The following BCAS4 variants were observed in gnomAD, a reference collection of about 807,000 sequenced individuals.
BCAS4 encodes the protein breast carcinoma-amplified sequence 4.
Under a neutral mutation model 15.7 loss-of-function variants are expected in BCAS4, and 9 were observed. The observed-to-expected ratio is 0.57, with a 90% CI of 0.34 to 1.00. The LOEUF (loss-of-function observed/expected upper bound fraction) is 1.00, where lower values mean the gene tolerates loss of function less well. BCAS4 is among the 50% of genes least tolerant of loss of function. The pLI is 0.02. For synonymous variants in BCAS4, 101 were observed against 99.5 expected, an observed-to-expected ratio of 1.02 and a Z score of -0.09; for missense variants, 225 against 239.1, an observed-to-expected ratio of 0.94 and a Z score of 0.39.
intron 2 of BCAS4, among the ~76,000 whole-genome samples, chr20:50,827,586 T>C (rs2088292180): frequency 6.6e-6 from 1 of 152,240 alleles, no homozygotes; most frequent in Non-Finnish European, 1.5e-5. Flanking sequence ...ATTTCACTCT[T>C]GCAGGTTGGC....
At chr20:50,821,373 C>A (rs1242372446) in intron 2 of BCAS4, among the ~76,000 whole-genome samples, 2 of 152,224 alleles carry the variant, frequency 1.3e-5, no homozygotes, top group Non-Finnish European at 2.9e-5. Context: ...GAGCTTACAG[C>A]CCCTGCATGG....
rs149327049 is a variant in BCAS4, at chr20:50,823,271, C to T, written c.162+4989C>T. Among the ~76,000 whole-genome samples, 1,214 of 151,950 alleles carry T rather than the reference C, an allele frequency of 8.0e-3. 14 individuals are homozygous for T. Among genetic ancestry groups the T allele is most frequent in the African/African-American group, 0.028 (1,171 of 41,450 alleles). On this transcript the variant is annotated intron_variant, in intron 2 of 4. Coordinates refer to ENST00000371608, the MANE Select transcript of BCAS4 (RefSeq NM_198799.4). ...AGGAGAATCACTTGAACCCGGGAGG[C>T]GGAAGTTGCAGTGAGCTGAGATTGC...
intron 3 of BCAS4, among the ~76,000 whole-genome samples, chr20:50,837,752 G>A (rs2088426841): frequency 6.6e-6 from 1 of 152,220 alleles, no homozygotes; most frequent in Admixed American, 6.5e-5. Context: ...GCATTTTGGA[G>A]ACAGTTCAGA....
chr20:50,826,978 A>C (rs1190755686), intron 2 of BCAS4, among the ~76,000 whole-genome samples: 1 of 152,166 alleles, frequency 6.6e-6, no homozygotes, highest in African/African-American at 2.4e-5. Flanking sequence ...AAAACAAAAA[A>C]ACAAAAAACA....
chr20:50,822,016 G>A (rs573604755), intron 2 of BCAS4, among the ~76,000 whole-genome samples: 1 of 152,276 alleles, frequency 6.6e-6, no homozygotes, highest in South Asian at 2.1e-4. Flanking sequence ...CGAAAATTTG[G>A]TGATGTAAAA....
In BCAS4 at chr20:50,851,607, G is replaced by A. The variant is rs1231177638; in HGVS notation, c.399+9707G>A. On this transcript the variant is annotated intron_variant, in intron 4 of 4. Coordinates refer to ENST00000371608, the MANE Select transcript of BCAS4 (RefSeq NM_198799.4). This position sits in a 1 kb window ranked among gnomAD's most constrained non-coding sequence, Gnocchi z 4.3. ...GAAGCACCCCAACTTTGCCCTGGTT[G>A]GTGGGACCCTCAACATGCCCTTCTC... Among the ~76,000 whole-genome samples the A allele has an allele frequency of 2.0e-5, 3 of 152,156 alleles. No homozygotes were observed. Among genetic ancestry groups the A allele is most frequent in the African/African-American group, 7.2e-5 (3 of 41,424 alleles).
At chr20:50,865,233 T>A (rs908418682) in intron 4 of BCAS4, among the ~76,000 whole-genome samples, 1 of 151,928 alleles carries the variant, frequency 6.6e-6, no homozygotes, top group Non-Finnish European at 1.5e-5. Context: ...AACCATCAAT[T>A]GAAGGAGGGA....
At chr20:50,825,469 C>G (rs193136592) in intron 2 of BCAS4, among the ~76,000 whole-genome samples, 20 of 152,362 alleles carry the variant, frequency 1.3e-4, no homozygotes, top group Admixed American at 6.5e-4. Flanking sequence ...CCTTCCCTGG[C>G]CCCTCATTCT....
rs755212193 is a variant in BCAS4 at position 50,811,059 on chromosome 20, C to G, written c.91-7152C>G. ...AGACAACTTTCACCAGTAAAGGGAA[C>G]AGCAGGTGCAAAGGCCCTGCGGTGA... is the stretch of plus-strand genomic sequence containing the variant. On this transcript the variant is annotated intron_variant, in intron 1 of 4. Transcript: ENST00000371608. Among the ~76,000 whole-genome samples the G allele has an allele frequency of 9.2e-5, 14 of 152,152 alleles. 1 individual carries two copies. The highest frequency in any genetic ancestry group is 2.0e-4 in the Admixed American group (3 of 15,260).
intron 1 of BCAS4, among the ~76,000 whole-genome samples, chr20:50,816,449 C>T (rs962634173): frequency 1.3e-5 from 2 of 152,188 alleles, no homozygotes; most frequent in Non-Finnish European, 1.5e-5. Context: ...AAATGTGTTC[C>T]AATGTTTAAA....
chr20:50,814,747 T>C (rs2088117538), intron 1 of BCAS4, among the ~76,000 whole-genome samples: 1 of 152,228 alleles, frequency 6.6e-6, no homozygotes, highest in Non-Finnish European at 1.5e-5. Flanking sequence ...ACCTACTGCA[T>C]AGGGTTCTTG....
At chr20:50,796,433 TTTTC>T (rs1411040115) in intron 1 of BCAS4, among the ~76,000 whole-genome samples, 31 of 135,116 alleles carry the variant, frequency 2.3e-4, no homozygotes, top group African/African-American at 5.9e-4. Context: ...GTTTTCTCTT[TTTTC>T]TTTTTCTTTT....
chr20:50,874,396 CTACACGGCTCAGCA>C (rs1979816702), intron 4 of BCAS4, among the ~76,000 whole-genome samples: 2 of 152,288 alleles, frequency 1.3e-5, no homozygotes, highest in Non-Finnish European at 2.9e-5. Context: ...TGTGAAGGTC[CTACACGGCTCAGCA>C]CCCGGAAACT....
chr20:50,829,151 G>A (rs2088313191), intron 2 of BCAS4, among the ~76,000 whole-genome samples: 1 of 152,190 alleles, frequency 6.6e-6, no homozygotes, highest in African/African-American at 2.4e-5. Flanking sequence ...GCCTCAGACT[G>A]TTGGCTGAAA....
chr20:50,864,235 G>A (rs1979237866), intron 4 of BCAS4, among the ~76,000 whole-genome samples: 1 of 152,164 alleles, frequency 6.6e-6, no homozygotes, highest in Non-Finnish European at 1.5e-5. Flanking sequence ...GGGCCTGATT[G>A]CATGGGTTTG....
intron 2 of BCAS4, among the ~76,000 whole-genome samples, chr20:50,822,805 T>C (rs1366634307): frequency 6.6e-6 from 1 of 151,662 alleles, no homozygotes; most frequent in Non-Finnish European, 1.5e-5. Context: ...TTTTGTATTT[T>C]TAGTAGAGAT....
At chr20:50,819,666 T>C (rs1361522938) in intron 2 of BCAS4, among the ~76,000 whole-genome samples, 3 of 151,912 alleles carry the variant, frequency 2.0e-5, no homozygotes, top group African/African-American at 7.3e-5. Context: ...TTCTCTTGAG[T>C]CAATTTTTAC....
chr20:50,874,315 G>C (rs751279244), intron 4 of BCAS4, among the ~76,000 whole-genome samples: 1 of 152,106 alleles, frequency 6.6e-6, no homozygotes, highest in Admixed American at 6.5e-5. Context: ...CTGTTCCCTC[G>C]GCCTGGAACA....
intron 4 of BCAS4, 52 bp from the exon 5 acceptor site, chr20:50,876,434 T>C (rs372480608): frequency 5.6e-6 from 9 of 1,598,348 alleles, no homozygotes; most frequent in Middle Eastern, 1.7e-4. Context: ...TCCTGGGTCA[T>C]GGAACAAGTG....
Sources: allele counts gnomAD v4.1 joint callset (sites outside exome capture counted in the v4.1 genomes callset), GRCh38; gene constraint gnomAD v4.1.1; non-coding constraint Gnocchi (gnomAD v3.1); transcripts MANE v1.5; gene names NCBI Gene and HGNC (gene_info 2026-07-23, HGNC 2026-07-21).